GABRG3: variants seen among roughly 807,000 people sequenced by gnomAD.
GABRG3 encodes gamma-aminobutyric acid receptor subunit gamma-3.
A neutral mutation model predicts 48.8 loss-of-function variants in GABRG3; 25 were observed. The ratio of observed to expected loss-of-function variants is 0.51; its 90% CI spans 0.37 to 0.72. GABRG3 has a LOEUF of 0.72. Among genes scored for constraint, GABRG3 ranks in the 30% least tolerant of loss-of-function variants. GABRG3 has a pLI of 0.00. For synonymous variants in GABRG3, 227 were observed against 217.6 expected (o/e 1.04, Z -0.38); for missense variants, 394 against 577.9 (o/e 0.68, Z 3.26).
chr15:27,193,531 G>A (rs1266161008), intron 3 of GABRG3, among the ~76,000 whole-genome samples: 2 of 152,198 alleles, frequency 1.3e-5, no homozygotes, highest in East Asian at 3.9e-4. Context: ...GCCAGGTGCA[G>A]GATATAATCT....
intron 3 of GABRG3, among the ~76,000 whole-genome samples, chr15:27,076,195 T>A (rs1449739567): frequency 1.3e-5 from 2 of 152,062 alleles, no homozygotes; most frequent in Non-Finnish European, 2.9e-5. Flanking sequence ...GTCTAGACCT[T>A]CTCCCCAGTC....
intron 3 of GABRG3, among the ~76,000 whole-genome samples, chr15:27,305,521 TATAATATAAACCTATGTTTATATATAAAC>T (rs1480972479): frequency 2.1e-5 from 3 of 146,166 alleles, no homozygotes; most frequent in Admixed American, 7.0e-5. Context: ...TAAACATATA[TATAATATAAACCTATGTTTATATATAAAC>T]ATAATATAAA....
At chr15:27,317,977 T>C (rs1424673001) in intron 3 of GABRG3, among the ~76,000 whole-genome samples, 1 of 152,148 alleles carries the variant, frequency 6.6e-6, no homozygotes, top group East Asian at 1.9e-4. Flanking sequence ...TTGCCATTGT[T>C]GATAGGATAA....
chr15:27,432,396 T>A (rs1050681826), intron 5 of GABRG3, among the ~76,000 whole-genome samples: 2 of 152,184 alleles, frequency 1.3e-5, no homozygotes, highest in Non-Finnish European at 2.9e-5. Flanking sequence ...ACAAACAGAA[T>A]ACATTTACAC....
At chr15:27,149,245 A>G (rs1566947638) in intron 3 of GABRG3, among the ~76,000 whole-genome samples, 1 of 152,108 alleles carries the variant, frequency 6.6e-6, no homozygotes, top group Non-Finnish European at 1.5e-5. Context: ...ATTTATAGTA[A>G]TATCAAAAAT....
At chr15:27,213,006 A>G (rs1246454772) in intron 3 of GABRG3, among the ~76,000 whole-genome samples, 1 of 152,216 alleles carries the variant, frequency 6.6e-6, no homozygotes, top group Non-Finnish European at 1.5e-5. Flanking sequence ...TCTCCTGGCC[A>G]TTCATACTTT....
chr15:27,485,506 G>T (rs1055520746), intron 6 of GABRG3, among the ~76,000 whole-genome samples: 3 of 152,154 alleles, frequency 2.0e-5, no homozygotes, highest in Admixed American at 2.0e-4. Flanking sequence ...AGCCCCTGGA[G>T]TTATCTGTAC....
intron 3 of GABRG3, among the ~76,000 whole-genome samples, chr15:27,313,244 G>A (rs189547815): frequency 0.069 from 3,655 of 52,740 alleles, 312 homozygotes; most frequent in African/African-American, 0.28. Flanking sequence ...GTATATATGT[G>A]TGTGTGTGTG....
At chr15:27,219,141 T>G (rs1406455440) in intron 3 of GABRG3, among the ~76,000 whole-genome samples, 1 of 152,202 alleles carries the variant, frequency 6.6e-6, no homozygotes, top group Non-Finnish European at 1.5e-5. Context: ...ATCTCTTGGC[T>G]AGTTATCATT....
At chr15:27,333,204 A>G (rs1893857974) in intron 5 of GABRG3, among the ~76,000 whole-genome samples, 1 of 152,210 alleles carries the variant, frequency 6.6e-6, no homozygotes. Context: ...TGGTTGTTTT[A>G]TTCATTTCCT....
chr15:27,442,998 G>A (rs1446343215), intron 5 of GABRG3, among the ~76,000 whole-genome samples: 1 of 152,118 alleles, frequency 6.6e-6, no homozygotes, highest in South Asian at 2.1e-4. Context: ...AAATAAAGTC[G>A]GTTATGGGCT....
intron 5 of GABRG3, chr15:27,419,095 G>A (rs1042085895): frequency 1.3e-5 from 2 of 152,212 alleles, no homozygotes; most frequent in Non-Finnish European, 2.9e-5. Context: ...CTTTTCAACT[G>A]CCACATTGGT....
intron 5 of GABRG3, among the ~76,000 whole-genome samples, chr15:27,440,382 T>C (rs376095884): frequency 6.6e-6 from 1 of 152,208 alleles, no homozygotes; most frequent in African/African-American, 2.4e-5. Flanking sequence ...GTGAACCTTT[T>C]TTCTCCACCA....
At chr15:27,220,738 A>G (rs1360372131) in intron 3 of GABRG3, among the ~76,000 whole-genome samples, 4 of 152,004 alleles carry the variant, frequency 2.6e-5, no homozygotes, top group Non-Finnish European at 5.9e-5. Flanking sequence ...TGGGTTGCCC[A>G]TTTATTTCTC....
At chr15:27,067,573 G>A (rs968213404) in intron 3 of GABRG3, among the ~76,000 whole-genome samples, 1 of 152,194 alleles carries the variant, frequency 6.6e-6, no homozygotes, top group Non-Finnish European at 1.5e-5. Flanking sequence ...GCCCCTGTGG[G>A]CCAGGCTGCA....
intron 5 of GABRG3, among the ~76,000 whole-genome samples, chr15:27,395,277 T>G (rs1436607967): frequency 2.0e-5 from 3 of 152,194 alleles, no homozygotes. Context: ...ATTTGCTATA[T>G]TATACTTTTC....
intron 3 of GABRG3, chr15:27,157,663 T>A (rs1460572956): frequency 6.6e-6 from 1 of 152,226 alleles, no homozygotes; most frequent in Non-Finnish European, 1.5e-5. Context: ...CCTCCTTACC[T>A]ATACACTGAG....
chr15:27,005,659 A>G (rs565716832), intron 2 of GABRG3, among the ~76,000 whole-genome samples: 7 of 152,198 alleles, frequency 4.6e-5, no homozygotes, highest in Admixed American at 4.6e-4. Flanking sequence ...CTCTGTCTCA[A>G]GGTGTCTAGT....
At chr15:27,249,833 C>A (rs1352388210) in intron 3 of GABRG3, among the ~76,000 whole-genome samples, 2 of 152,156 alleles carry the variant, frequency 1.3e-5, no homozygotes, top group Non-Finnish European at 2.9e-5. Context: ...TTAGCTACAT[C>A]CAGAAGGAAG....
Sources: gnomAD v4.1 joint callset for allele counts (sites outside exome capture counted in the v4.1 genomes callset) on GRCh38, gnomAD v4.1.1 for gene constraint, MANE v1.5 for transcripts, NCBI Gene and HGNC (gene_info 2026-07-23, HGNC 2026-07-21) for gene names.